Variants in PIK3C2G observed in about 807,000 individuals in gnomAD.
PIK3C2G encodes phosphatidylinositol-4-phosphate 3-kinase catalytic subunit type 2 gamma.
PIK3C2G carries 168 observed loss-of-function variants against 181.1 expected under a neutral mutation model. That is an observed-to-expected ratio of 0.93 (90% CI 0.82 to 1.05). PIK3C2G has a LOEUF of 1.05. Among genes scored for constraint, PIK3C2G ranks in the 50% least tolerant of loss-of-function variants. The probability of loss-of-function intolerance (pLI) is 0.00; values close to 1 mark genes in which losing one functional copy is unlikely to be tolerated. For missense variants in PIK3C2G, 1,869 were observed against 1,732.8 expected, an observed-to-expected ratio of 1.08 and a Z score of -1.40; for synonymous variants, 573 against 592.2, an observed-to-expected ratio of 0.97 and a Z score of 0.47.
intron 18 of PIK3C2G, among the ~76,000 whole-genome samples, chr12:18,451,595 G>T (rs569616032): frequency 6.1e-4 from 93 of 152,260 alleles, no homozygotes; most frequent in Middle Eastern, 6.8e-3. Context: ...GCCCTAGCCA[G>T]AACTTCCAAT....
At chr12:18,687,539 G>A in the PIK3C2G span, among the ~76,000 whole-genome samples, 2 of 152,088 alleles carry the variant, frequency 1.3e-5, no homozygotes, top group African/African-American at 2.4e-5. Context: ...GTCATAGCAT[G>A]CCAGAATGAT....
At chr12:18,439,635 T>C (rs555098166) in intron 18 of PIK3C2G, among the ~76,000 whole-genome samples, 1 of 152,114 alleles carries the variant, frequency 6.6e-6, no homozygotes, top group South Asian at 2.1e-4. Context: ...AACAAGTCAC[T>C]TGCAAAATGT....
chr12:18,636,910 T>C (rs1949628711), intron 31 of PIK3C2G, among the ~76,000 whole-genome samples: 1 of 152,148 alleles, frequency 6.6e-6, no homozygotes, highest in African/African-American at 2.4e-5. Context: ...ACTTCACAGG[T>C]CAGGAAACCA....
intron 18 of PIK3C2G, among the ~76,000 whole-genome samples, chr12:18,426,499 C>G (rs1165347577): frequency 6.6e-6 from 1 of 152,108 alleles, no homozygotes; most frequent in Non-Finnish European, 1.5e-5. Context: ...TTCCTACTTT[C>G]CTTTGTATTG....
chr12:18,703,850 T>C, the PIK3C2G span, among the ~76,000 whole-genome samples: 1 of 152,200 alleles, frequency 6.6e-6, no homozygotes, highest in Admixed American at 6.5e-5. Flanking sequence ...GCCTTTTGAT[T>C]ATTTTAAGTT....
intron 13 of PIK3C2G, among the ~76,000 whole-genome samples, chr12:18,378,321 C>CG (rs879589261): frequency 6.7e-6 from 1 of 149,728 alleles, no homozygotes; most frequent in African/African-American, 2.5e-5. Context: ...AGTTCCCCCC[C>CG]CCGTAACTAA....
At chr12:18,697,017 G>T in the PIK3C2G span, among the ~76,000 whole-genome samples, 3 of 152,034 alleles carry the variant, frequency 2.0e-5, no homozygotes, top group Non-Finnish European at 4.4e-5. Flanking sequence ...TAATATTTAA[G>T]TCACTTGAGA....
At chr12:18,518,954 A>G (rs1401898864) in intron 24 of PIK3C2G, among the ~76,000 whole-genome samples, 1 of 152,156 alleles carries the variant, frequency 6.6e-6, no homozygotes, top group Non-Finnish European at 1.5e-5. Context: ...ATTGGTTTCA[A>G]AGAACTTCTT....
chr12:18,281,944 T>A, intron 1 of PIK3C2G, 60 bp from the exon 2 acceptor site: 1 of 622,996 alleles, frequency 1.6e-6, no homozygotes, highest in Non-Finnish European at 2.9e-6. Context: ...CCTATATCTG[T>A]CTTACAAGCT....
the PIK3C2G span, among the ~76,000 whole-genome samples, chr12:18,720,724 G>A: frequency 3.9e-5 from 6 of 151,910 alleles, no homozygotes; most frequent in Admixed American, 3.3e-4. Context: ...TTTATTTCCA[G>A]GAATTTATCC....
the PIK3C2G span, among the ~76,000 whole-genome samples, chr12:18,668,945 A>G: frequency 0.11 from 17,168 of 152,072 alleles, 1,212 homozygotes; most frequent in African/African-American, 0.19. Context: ...TGCAAGAAAA[A>G]ATCGTGAATA....
rs772772469 is a variant in PIK3C2G, at chr12:18,497,612, T to C, written c.2887-7T>C. On this transcript the variant is annotated splice_polypyrimidine_tract_variant and splice_region_variant and intron_variant, in intron 21 of 32. Coordinates refer to ENST00000538779, the MANE Select transcript of PIK3C2G (RefSeq NM_001288772.2). ...AAACCCAGGGTCTATAATTTTGTTT[T>C]TAACAGGCTGGAGATGATCTTCGTC... 3 of 1,609,960 alleles carry C rather than the reference T, an allele frequency of 1.9e-6. No individual in the cohort carries two copies. The highest frequency in any genetic ancestry group is 1.7e-6 in the Non-Finnish European group (2 of 1,177,842).
chr12:18,581,524 C>A (rs887702606), intron 29 of PIK3C2G, among the ~76,000 whole-genome samples: 8 of 152,152 alleles, frequency 5.3e-5, no homozygotes, highest in Non-Finnish European at 1.0e-4. Context: ...AAGCACTGAC[C>A]TAGTCAGGAT....
chr12:18,688,327 C>T, the PIK3C2G span: 1 of 1,123,180 alleles, frequency 8.9e-7, no homozygotes, highest in Non-Finnish European at 1.3e-6. Flanking sequence ...TCTAAGTCAG[C>T]TCCCACAAAC....
chr12:18,348,106 C>G (rs1340264639), intron 11 of PIK3C2G, among the ~76,000 whole-genome samples: 1 of 151,508 alleles, frequency 6.6e-6, no homozygotes, highest in Admixed American at 6.6e-5. Context: ...AGTTTGAATT[C>G]CCATGGAAAA....
intron 11 of PIK3C2G, 146 bp downstream of exon 11, chr12:18,346,982 T>C (rs895816986): frequency 9.2e-6 from 4 of 433,932 alleles, no homozygotes; most frequent in African/African-American, 8.1e-5. Context: ...ATTCTTAAAA[T>C]CACATTTTAA....
intron 18 of PIK3C2G, among the ~76,000 whole-genome samples, chr12:18,468,902 C>T (rs1028873387): frequency 1.1e-4 from 16 of 151,978 alleles, no homozygotes; most frequent in African/African-American, 3.9e-4. Flanking sequence ...TGATGTGAAA[C>T]TGAGCAGCTT....
intron 1 of PIK3C2G, among the ~76,000 whole-genome samples, chr12:18,271,092 T>A (rs776970517): frequency 6.6e-6 from 1 of 152,122 alleles, no homozygotes; most frequent in Non-Finnish European, 1.5e-5. Context: ...ATGCCCCTCA[T>A]ACCAAGGAAT....
chr12:18,410,375 C>T (rs942501240), intron 16 of PIK3C2G, among the ~76,000 whole-genome samples: 3 of 151,930 alleles, frequency 2.0e-5, no homozygotes, highest in Non-Finnish European at 4.4e-5. Flanking sequence ...CATGGTGGCA[C>T]AGGCCTGTAG....
Sources: gnomAD v4.1 joint callset for allele counts (sites outside exome capture counted in the v4.1 genomes callset) on GRCh38, gnomAD v4.1.1 for gene constraint, MANE v1.5 for transcripts, NCBI Gene and HGNC (gene_info 2026-07-23, HGNC 2026-07-21) for gene names.